The following CSMD1 variants were observed in gnomAD, a reference collection of about 807,000 sequenced individuals.
CSMD1 encodes CUB and Sushi multiple domains 1.
CSMD1 carries 213 observed loss-of-function variants against 417.5 expected under a neutral mutation model. The ratio of observed to expected loss-of-function variants is 0.51; its 90% CI spans 0.46 to 0.57. The LOEUF (loss-of-function observed/expected upper bound fraction) is 0.57, where lower values mean the gene tolerates loss of function less well. Ranked by LOEUF, CSMD1 falls within the 20% of genes least tolerant of loss-of-function variation. CSMD1 has a pLI of 0.00. For missense variants in CSMD1, 6,923 were observed against 4,529.7 expected, an observed-to-expected ratio of 1.53 and a Z score of -15.17; for synonymous variants, 2,862 against 1,736.8, an observed-to-expected ratio of 1.65 and a Z score of -16.11.
At chr8:3,657,547 G>C (rs1000299989) in intron 7 of CSMD1, among the ~76,000 whole-genome samples, 28 of 152,102 alleles carry the variant, frequency 1.8e-4, no homozygotes. Flanking sequence ...CCTTTGCAGG[G>C]ACATGGATGA....
chr8:4,016,676 A>G (rs914714479), intron 4 of CSMD1, among the ~76,000 whole-genome samples: 1 of 152,220 alleles, frequency 6.6e-6, no homozygotes, highest in African/African-American at 2.4e-5. Flanking sequence ...GTAAAGCAAG[A>G]GCTTCAGCAA....
At chr8:3,190,185 G>A (rs1796328095) in intron 33 of CSMD1, 70 bp from the exon 34 acceptor site, 2 of 1,208,806 alleles carry the variant, frequency 1.7e-6, no homozygotes, top group Admixed American at 2.0e-5. Flanking sequence ...GTGGAACGTG[G>A]GTTTAAGATG....
At chr8:3,954,653 C>T (rs112495377) in intron 5 of CSMD1, among the ~76,000 whole-genome samples, 29 of 152,366 alleles carry the variant, frequency 1.9e-4, no homozygotes, top group African/African-American at 7.0e-4. Context: ...TGAGCCACCG[C>T]ACCTGGCCGG....
intron 8 of CSMD1, among the ~76,000 whole-genome samples, chr8:3,603,512 G>C (rs996070412): frequency 8.5e-5 from 13 of 152,082 alleles, no homozygotes; most frequent in Admixed American, 6.6e-4. Flanking sequence ...AGACAAGAGA[G>C]TAAAAATCAC....
In CSMD1 at chr8:4,354,302, A is replaced by T. The variant is rs139500409; in HGVS notation, c.415+65651T>A. On this transcript the variant is annotated intron_variant, in intron 3 of 69. Transcript: ENST00000635120. ...AGTAACCAAGTTACTCAGTATTATT[A>T]AGGCGATGAAACATTTCAACTGTAT... is the stretch of plus-strand genomic sequence containing the variant. 3.1e-4 allele frequency among the ~76,000 whole-genome samples: 47 copies of T among 152,310 alleles called. No homozygotes were observed. The Middle Eastern group carries it at 0.01, about 33-fold the overall frequency.
intron 5 of CSMD1, among the ~76,000 whole-genome samples, chr8:3,907,835 T>A (rs1328802098): frequency 6.6e-6 from 1 of 152,224 alleles, no homozygotes; most frequent in African/African-American, 2.4e-5. Flanking sequence ...GTTCTTCTCA[T>A]CATCAACTCT....
intron 10 of CSMD1, among the ~76,000 whole-genome samples, chr8:3,506,156 A>C (rs577312948): frequency 2.6e-5 from 4 of 152,210 alleles, no homozygotes; most frequent in African/African-American, 9.6e-5. Context: ...AGTGCCAGGG[A>C]GGCAGCTGAA....
chr8:3,394,645 G>C (rs1406886947), intron 17 of CSMD1, among the ~76,000 whole-genome samples: 1 of 151,960 alleles, frequency 6.6e-6, no homozygotes, highest in African/African-American at 2.4e-5. Context: ...GGAGGGGTGT[G>C]GGAGAGGATG....
intron 5 of CSMD1, among the ~76,000 whole-genome samples, chr8:3,989,423 T>TAGGTAAGA (rs957751992): frequency 7.9e-5 from 12 of 152,174 alleles, no homozygotes. Context: ...CTCTCCAAGC[T>TAGGTAAGA]AGGTAAGAGC....
chr8:4,194,697 C>T (rs891613336), intron 3 of CSMD1, among the ~76,000 whole-genome samples: 6 of 152,060 alleles, frequency 3.9e-5, no homozygotes, highest in African/African-American at 1.4e-4. Flanking sequence ...CAACACAAAG[C>T]CATTTGCCAA....
At chr8:4,239,728 T>C (rs948639903) in intron 3 of CSMD1, among the ~76,000 whole-genome samples, 1 of 152,138 alleles carries the variant, frequency 6.6e-6, no homozygotes, top group Non-Finnish European at 1.5e-5. Flanking sequence ...TGCTTTATTG[T>C]GGAAAGGTGG....
In CSMD1 at chr8:3,686,909, G is replaced by A. The variant is rs141082363; in HGVS notation, c.1009+21505C>T. Among the ~76,000 whole-genome samples the A allele has an allele frequency of 3.2e-3, 485 of 152,266 alleles. 6 individuals are homozygous for A. The East Asian group carries it at 0.04, about 13-fold the overall frequency. On this transcript the variant is annotated intron_variant, in intron 7 of 69. Transcript: ENST00000635120. ...CGATTTCATTCTTGGGCCGTAAGAGGACAGAGTAGAGCTTTGTCTCCCCTA... is the reference window on the plus strand; with the variant it reads ...CGATTTCATTCTTGGGCCGTAAGAGAACAGAGTAGAGCTTTGTCTCCCCTA...
At chr8:3,800,189 T>C (rs1046433244) in intron 5 of CSMD1, among the ~76,000 whole-genome samples, 1 of 152,170 alleles carries the variant, frequency 6.6e-6, no homozygotes, top group African/African-American at 2.4e-5. Context: ...ACATGAAAAT[T>C]CAGCAGAGAG....
chr8:3,900,863 G>A (rs1807700675), intron 5 of CSMD1, among the ~76,000 whole-genome samples: 1 of 152,166 alleles, frequency 6.6e-6, no homozygotes, highest in African/African-American at 2.4e-5. Flanking sequence ...TACTTTTTCA[G>A]CCAGCTGCAT....
At chr8:3,018,418 G>A (rs1276750362) in intron 52 of CSMD1, 59 bp downstream of exon 52, 3 of 1,512,236 alleles carry the variant, frequency 2.0e-6, no homozygotes, top group African/African-American at 1.4e-5. Context: ...TTACACAGCT[G>A]TAATCTATTT....
intron 5 of CSMD1, among the ~76,000 whole-genome samples, chr8:3,984,059 A>G (rs903916297): frequency 7.9e-6 from 1 of 125,812 alleles, no homozygotes; most frequent in African/African-American, 2.9e-5. Flanking sequence ...GGGGCTGTCA[A>G]TTGCAGCTCT....
intron 26 of CSMD1, among the ~76,000 whole-genome samples, chr8:3,275,041 T>G (rs1284532541): frequency 6.6e-6 from 1 of 152,182 alleles, no homozygotes; most frequent in African/African-American, 2.4e-5. Context: ...CTTTACAATT[T>G]GGCATGATTT....
chr8:4,008,898 C>CGCG (rs1259503557), intron 4 of CSMD1, among the ~76,000 whole-genome samples: 2 of 152,210 alleles, frequency 1.3e-5, no homozygotes, highest in African/African-American at 4.8e-5. Context: ...GCGTGAGCCA[C>CGCG]CGCGCCCAGT....
At chr8:3,838,614 A>G (rs1312763630) in intron 5 of CSMD1, among the ~76,000 whole-genome samples, 1 of 136,642 alleles carries the variant, frequency 7.3e-6, no homozygotes, top group Non-Finnish European at 1.5e-5. Context: ...ATTTATATAT[A>G]ATAAATAAAT....
Sources: gnomAD v4.1 joint callset for allele counts (sites outside exome capture counted in the v4.1 genomes callset) on GRCh38, gnomAD v4.1.1 for gene constraint, MANE v1.5 for transcripts, NCBI Gene and HGNC (gene_info 2026-07-23, HGNC 2026-07-21) for gene names.